The following OSBPL9 variants were observed in gnomAD, a reference collection of about 807,000 sequenced individuals.
The protein encoded by OSBPL9 is oxysterol-binding protein-related protein 9.
Under a neutral mutation model 106.6 loss-of-function variants are expected in OSBPL9, and 40 were observed. The ratio of observed to expected loss-of-function variants is 0.38; its 90% CI spans 0.29 to 0.49. The LOEUF (loss-of-function observed/expected upper bound fraction) is 0.49. OSBPL9 is among the 20% of genes least tolerant of loss of function. OSBPL9 has a pLI of 0.97. For synonymous variants in OSBPL9, 269 were observed against 295.4 expected, an observed-to-expected ratio of 0.91 and a Z score of 0.92; for missense variants, 609 against 887.2, an observed-to-expected ratio of 0.69 and a Z score of 3.98.
chr1:51,594,505 C>T (rs1645290900), intron 1 of OSBPL9, among the ~76,000 whole-genome samples: 1 of 152,146 alleles, frequency 6.6e-6, no homozygotes, highest in Non-Finnish European at 1.5e-5. Flanking sequence ...AGGGTTCACC[C>T]ATTTGTGTTT....
chr1:51,578,542 A>G (rs1043768315), intron 1 of OSBPL9, among the ~76,000 whole-genome samples: 7 of 152,314 alleles, frequency 4.6e-5, no homozygotes, highest in African/African-American at 9.6e-5. Flanking sequence ...TGACTTCCTC[A>G]TATTAGAGGT....
At chr1:51,740,960 A>G (rs1666769260) in intron 4 of OSBPL9, among the ~76,000 whole-genome samples, 1 of 152,182 alleles carries the variant, frequency 6.6e-6, no homozygotes, top group Non-Finnish European at 1.5e-5. Flanking sequence ...ACTATAATTT[A>G]TATGCACTTC....
At chr1:51,634,586 G>A (rs1645305136) in intron 1 of OSBPL9, among the ~76,000 whole-genome samples, 1 of 152,172 alleles carries the variant, frequency 6.6e-6, no homozygotes, top group African/African-American at 2.4e-5. Context: ...CAAAATATGA[G>A]ACTCAAAGAA....
intron 3 of OSBPL9, among the ~76,000 whole-genome samples, chr1:51,711,358 G>A (rs1438545355): frequency 7.5e-5 from 11 of 146,974 alleles, no homozygotes; most frequent in South Asian, 2.2e-4. Context: ...CCTCCCTCCC[G>A]GACTAGGCGG....
Position 51,785,826 on chromosome 1 carries a change from G to A in OSBPL9, c.1848G>A (p.Lys616=). 6.2e-7 allele frequency: 1 copy of A among 1,609,046 alleles called. No homozygotes were observed. The highest frequency in any genetic ancestry group is 8.5e-7 in the Non-Finnish European group (1 of 1,178,802). Residue 616 remains lysine, a synonymous_variant, in exon 21 of 24, where the codon AAG becomes AAA. Transcript: ENST00000428468. ...TAEIFSPNDK[K]SFCSIEGEWN... is the part of the protein sequence containing the mutation. ...TGTTCAGTTCTCCAAATGACAAGAA[G>A]TCTTTTTGCTCAATTGAAGGGGAAT... is the stretch of plus-strand genomic sequence containing the variant.
the OSBPL9 span, among the ~76,000 whole-genome samples, chr1:51,524,603 A>G: frequency 6.6e-6 from 1 of 152,166 alleles, no homozygotes; most frequent in Non-Finnish European, 1.5e-5. Flanking sequence ...AAAAATAGAA[A>G]ATATTTTTAA....
the OSBPL9 span, chr1:51,566,584 T>A: frequency 6.6e-6 from 1 of 152,208 alleles, no homozygotes; most frequent in Non-Finnish European, 1.5e-5. Flanking sequence ...ATTTTGAACA[T>A]CTTTAGATCC....
At chr1:51,593,953 C>T (rs1348376189) in intron 1 of OSBPL9, among the ~76,000 whole-genome samples, 2 of 146,786 alleles carry the variant, frequency 1.4e-5, no homozygotes, top group East Asian at 3.9e-4. Flanking sequence ...CGAAGAGCAT[C>T]ATTTGTTAGT....
At chr1:51,590,499 A>G (rs2148601182) in intron 1 of OSBPL9, among the ~76,000 whole-genome samples, 1 of 151,580 alleles carries the variant, frequency 6.6e-6, no homozygotes, top group South Asian at 2.1e-4. Context: ...GGGCACCTGT[A>G]TTCCCAGCTA....
intron 1 of OSBPL9, among the ~76,000 whole-genome samples, chr1:51,579,703 A>G (rs1645209851): frequency 6.6e-6 from 1 of 151,946 alleles, no homozygotes; most frequent in African/African-American, 2.4e-5. Flanking sequence ...TCTACAAAAA[A>G]TAGAAAAATT....
intron 8 of OSBPL9, among the ~76,000 whole-genome samples, chr1:51,753,226 C>T (rs1336247681): frequency 2.6e-5 from 4 of 152,036 alleles, no homozygotes; most frequent in African/African-American, 4.8e-5. Flanking sequence ...TCTTAAAGAG[C>T]GTGGATTATG....
At chr1:51,772,575 A>T (rs770594902) in intron 13 of OSBPL9, 30 bp from the exon 14 acceptor site, 1 of 1,531,946 alleles carries the variant, frequency 6.5e-7, no homozygotes, top group Non-Finnish European at 9.0e-7. Context: ...CCAATTTAGC[A>T]CCATTCTAAT....
At chr1:51,731,775 C>CA (rs905927971) in intron 4 of OSBPL9, among the ~76,000 whole-genome samples, 8,598 of 66,640 alleles carry the variant, frequency 0.13, 542 homozygotes, top group African/African-American at 0.27. Flanking sequence ...GAGTCTGTCT[C>CA]AAAAAAAAAA....
chr1:51,644,617 C>T (rs917035040), intron 1 of OSBPL9, among the ~76,000 whole-genome samples: 10 of 152,102 alleles, frequency 6.6e-5, no homozygotes, highest in African/African-American at 1.9e-4. Flanking sequence ...GGTGAGCCAC[C>T]GCGCCCAGCC....
At chr1:51,687,376 G>A (rs1483751150) in intron 3 of OSBPL9, among the ~76,000 whole-genome samples, 1 of 152,174 alleles carries the variant, frequency 6.6e-6, no homozygotes, top group Non-Finnish European at 1.5e-5. Flanking sequence ...CTTAAGCACA[G>A]GATGCAAAAT....
chr1:51,711,284 C>T (rs997514628), intron 3 of OSBPL9, among the ~76,000 whole-genome samples: 3 of 150,418 alleles, frequency 2.0e-5, no homozygotes, highest in South Asian at 2.1e-4. Flanking sequence ...TAGGGGCGGC[C>T]GGGCAGAGGT....
intron 9 of OSBPL9, among the ~76,000 whole-genome samples, chr1:51,757,636 A>G (rs1670621816): frequency 6.6e-6 from 1 of 152,106 alleles, no homozygotes; most frequent in Non-Finnish European, 1.5e-5. Context: ...ATAGAAAAAT[A>G]TCTTTGAATC....
chr1:51,680,669 CA>C (rs71063048), intron 3 of OSBPL9, among the ~76,000 whole-genome samples: 2 of 148,578 alleles, frequency 1.3e-5, no homozygotes, highest in East Asian at 3.9e-4. Flanking sequence ...TCAAAAAAAA[CA>C]AAAAAAAACC....
At chr1:51,786,169 A>G (rs1677573200) in intron 21 of OSBPL9, 2 of 465,960 alleles carry the variant, frequency 4.3e-6, no homozygotes, top group Non-Finnish European at 7.6e-6. Context: ...TGCCTGGCAC[A>G]TAGTAAGAAC....
Sources: gnomAD v4.1 joint callset for allele counts (sites outside exome capture counted in the v4.1 genomes callset) on GRCh38, gnomAD v4.1.1 for gene constraint, MANE v1.5 for transcripts, NCBI Gene and HGNC (gene_info 2026-07-23, HGNC 2026-07-21) for gene names.